MPP7: variants seen among roughly 807,000 people sequenced by gnomAD.
MPP7 encodes the protein MAGUK p55 scaffold protein 7.
Under a neutral mutation model 76.5 loss-of-function variants are expected in MPP7, and 60 were observed. The ratio of observed to expected loss-of-function variants is 0.78; its 90% CI spans 0.64 to 0.97. MPP7 has a LOEUF of 0.97. Ranked by LOEUF, MPP7 falls within the 50% of genes least tolerant of loss-of-function variation. MPP7 has a pLI of 0.00. For missense variants in MPP7, 641 were observed against 694.0 expected, an observed-to-expected ratio of 0.92 and a Z score of 0.86; for synonymous variants, 237 against 244.5, an observed-to-expected ratio of 0.97 and a Z score of 0.29.
At chr10:28,289,260 C>T (rs1263734654) in intron 1 of MPP7, 2 of 151,464 alleles carry the variant, frequency 1.3e-5, no homozygotes, top group African/African-American at 4.9e-5. Flanking sequence ...AAGACCATGC[C>T]ACTGTACTCC....
intron 1 of MPP7, among the ~76,000 whole-genome samples, chr10:28,264,363 C>A (rs77260979): frequency 6.6e-6 from 1 of 151,924 alleles, no homozygotes; most frequent in African/African-American, 2.4e-5. Flanking sequence ...AGCATCAGAG[C>A]CAGGAATGAC....
intron 2 of MPP7, among the ~76,000 whole-genome samples, chr10:28,329,127 C>G (rs1385855044): frequency 6.6e-6 from 1 of 152,138 alleles, no homozygotes; most frequent in Non-Finnish European, 1.5e-5. Flanking sequence ...ATTGGAATAT[C>G]TTTTGATTTA....
At chr10:28,090,976 A>G (rs1280162984) in intron 11 of MPP7, among the ~76,000 whole-genome samples, 2 of 152,030 alleles carry the variant, frequency 1.3e-5, no homozygotes, top group Non-Finnish European at 2.9e-5. Context: ...GAGAAACCCC[A>G]TCTCTACTAA....
chr10:28,135,713 C>T (rs1342011702), intron 5 of MPP7, among the ~76,000 whole-genome samples: 1 of 152,012 alleles, frequency 6.6e-6, no homozygotes, highest in Non-Finnish European at 1.5e-5. Flanking sequence ...TGGGTATTGT[C>T]TCAATAGTGG....
chr10:28,191,590 C>T lies in MPP7; in HGVS notation c.156+10563G>A, dbSNP rs146546108. On this transcript the variant is annotated intron_variant, in intron 3 of 16. Coordinates refer to ENST00000683449, the MANE Select transcript of MPP7 (RefSeq NM_001318170.2). Reference sequence around the variant, plus strand: ...ACTTTGAGATTCTGGACTTTCAAATCAGGGATGCTTAACTAGTTAAAAATC... The same window carrying T: ...ACTTTGAGATTCTGGACTTTCAAATTAGGGATGCTTAACTAGTTAAAAATC... 8.9e-4 allele frequency among the ~76,000 whole-genome samples: 135 copies of T among 152,296 alleles called. 2 individuals are homozygous for T. The East Asian group carries it at 0.012, about 13-fold the overall frequency.
chr10:28,219,836 C>T (rs1838439280), intron 2 of MPP7, among the ~76,000 whole-genome samples: 1 of 152,088 alleles, frequency 6.6e-6, no homozygotes, highest in South Asian at 2.1e-4. Context: ...TTTAAATTTT[C>T]CACTTTGTCA....
intron 1 of MPP7, among the ~76,000 whole-genome samples, chr10:28,266,133 T>A (rs61845919): frequency 0.14 from 21,716 of 152,110 alleles, 1,629 homozygotes; most frequent in South Asian, 0.17. Context: ...CTAATTTTTG[T>A]ATTTTTAGTA....
intron 2 of MPP7, among the ~76,000 whole-genome samples, chr10:28,310,741 T>G (rs943427871): frequency 6.6e-5 from 10 of 152,132 alleles, no homozygotes; most frequent in Non-Finnish European, 1.5e-4. Context: ...AGTGATCCTG[T>G]TGGTGATGGT....
chr10:28,134,616 A>G (rs1835297945), intron 5 of MPP7, among the ~76,000 whole-genome samples: 1 of 152,178 alleles, frequency 6.6e-6, no homozygotes, highest in Admixed American at 6.5e-5. Flanking sequence ...AAAATACCTG[A>G]GAAGATAATG....
At chr10:28,117,489 T>C (rs1218662963) in intron 11 of MPP7, among the ~76,000 whole-genome samples, 1 of 152,146 alleles carries the variant, frequency 6.6e-6, no homozygotes, top group Non-Finnish European at 1.5e-5. Flanking sequence ...GGCATTTTCC[T>C]ATAATTCAAC....
intron 2 of MPP7, among the ~76,000 whole-genome samples, chr10:28,220,390 C>G (rs1030529343): frequency 6.6e-6 from 1 of 151,940 alleles, no homozygotes; most frequent in South Asian, 2.1e-4. Flanking sequence ...AAATCGATTA[C>G]ATTTACGTTA....
At chr10:28,109,872 A>AAAAAAAAAAAAAAAAAAAT (rs1834449046) in intron 11 of MPP7, among the ~76,000 whole-genome samples, 1 of 147,860 alleles carries the variant, frequency 6.8e-6, no homozygotes, top group Non-Finnish European at 1.5e-5. Context: ...AAAAAAAAAA[A>AAAAAAAAAAAAAAAAAAAT]ACACTTAAAA....
chr10:28,330,480 AC>A (rs1448594892), intron 1 of MPP7, among the ~76,000 whole-genome samples: 3 of 136,208 alleles, frequency 2.2e-5, no homozygotes, highest in African/African-American at 9.9e-5. Flanking sequence ...TAATTTTTAG[AC>A]TTTTTTAAAA....
chr10:28,168,189 C>A (rs1425733309), intron 3 of MPP7, among the ~76,000 whole-genome samples: 3 of 151,966 alleles, frequency 2.0e-5, no homozygotes, highest in Admixed American at 2.0e-4. Flanking sequence ...GAACCTAGAT[C>A]ACACCACTGC....
intron 1 of MPP7, among the ~76,000 whole-genome samples, chr10:28,334,225 T>C (rs1046509895): frequency 8.6e-5 from 13 of 150,970 alleles, no homozygotes; most frequent in African/African-American, 3.2e-4. Flanking sequence ...AAATAGTGGC[T>C]GAGTCATCAA....
intron 15 of MPP7, chr10:28,057,801 GT>G: frequency 7.8e-7 from 1 of 1,286,592 alleles, no homozygotes; most frequent in Non-Finnish European, 1.0e-6. Flanking sequence ...GCATTTGGAG[GT>G]TTTGCACCCC....
At chr10:28,159,353 T>C (rs999191017) in intron 3 of MPP7, among the ~76,000 whole-genome samples, 1 of 152,232 alleles carries the variant, frequency 6.6e-6, no homozygotes, top group East Asian at 1.9e-4. Flanking sequence ...TGATAATTTG[T>C]AATACTGAAA....
intron 3 of MPP7, among the ~76,000 whole-genome samples, chr10:28,159,148 T>C (rs1209703689): frequency 2.6e-5 from 4 of 152,152 alleles, no homozygotes; most frequent in Non-Finnish European, 4.4e-5. Flanking sequence ...TTAAAAGAGA[T>C]AGAAAAGTTA....
chr10:28,117,324 T>C (rs1156721375), intron 11 of MPP7, among the ~76,000 whole-genome samples: 1 of 152,154 alleles, frequency 6.6e-6, no homozygotes, highest in Non-Finnish European at 1.5e-5. Context: ...TTTATCACTG[T>C]ATTTTTAAAA....
Sources: allele counts gnomAD v4.1 joint callset (sites outside exome capture counted in the v4.1 genomes callset), GRCh38; gene constraint gnomAD v4.1.1; transcripts MANE v1.5; gene names NCBI Gene and HGNC (gene_info 2026-07-23, HGNC 2026-07-21).